STK3: variants seen among roughly 807,000 people sequenced by gnomAD.
STK3 encodes the protein serine/threonine-protein kinase 3.
A neutral mutation model predicts 58.0 loss-of-function variants in STK3; 41 were observed. That is an observed-to-expected ratio of 0.71 (90% CI 0.55 to 0.92). The LOEUF (loss-of-function observed/expected upper bound fraction) is 0.92. STK3 is among the 40% of genes least tolerant of loss of function. The probability of loss-of-function intolerance (pLI) is 0.00; values close to 1 mark genes in which losing one functional copy is unlikely to be tolerated. For synonymous variants in STK3, 170 were observed against 191.0 expected, an observed-to-expected ratio of 0.89 and a Z score of 0.91; for missense variants, 479 against 602.7, an observed-to-expected ratio of 0.79 and a Z score of 2.15.
At chr8:98,395,461 A>G (rs1817889195) in intron 3 of STK3, among the ~76,000 whole-genome samples, 1 of 152,260 alleles carries the variant, frequency 6.6e-6, no homozygotes, top group African/African-American at 2.4e-5. Context: ...ATGTTTCTGC[A>G]TAACATAAAT....
chr8:98,417,117 T>C (rs1425223511), intron 3 of STK3, among the ~76,000 whole-genome samples: 1 of 151,974 alleles, frequency 6.6e-6, no homozygotes, highest in African/African-American at 2.4e-5. Flanking sequence ...GCTGGGGAGG[T>C]GTTCAGGAAC....
At chr8:98,747,574 T>C (rs1829722288) in intron 4 of STK3, among the ~76,000 whole-genome samples, 1 of 152,238 alleles carries the variant, frequency 6.6e-6, no homozygotes, top group South Asian at 2.1e-4. Context: ...TTAAATAGGA[T>C]GTTACGTATC....
chr8:98,378,011 G>A (rs1357706956), intron 2 of STK3, among the ~76,000 whole-genome samples: 1 of 152,176 alleles, frequency 6.6e-6, no homozygotes, highest in African/African-American at 2.4e-5. Flanking sequence ...ACTTCAAGAG[G>A]TGTCTCCAGC....
chr8:98,687,960 G>T (rs1824124207), intron 6 of STK3, among the ~76,000 whole-genome samples: 1 of 151,986 alleles, frequency 6.6e-6, no homozygotes, highest in South Asian at 2.1e-4. Context: ...GGCCTAAATG[G>T]CCCACTTAAA....
chr8:98,825,720 CCCGCCCCGCCCCCGG>C (rs1835229186), upstream of STK3: 3 of 987,388 alleles, frequency 3.0e-6, no homozygotes, highest in Admixed American at 6.4e-5. Flanking sequence ...CTCCTCCCGC[CCCGCCCCGCCCCCGG>C]CCGCCCCGCC....
At chr8:98,377,442 G>C (rs926168506) in intron 2 of STK3, among the ~76,000 whole-genome samples, 2 of 151,738 alleles carry the variant, frequency 1.3e-5, no homozygotes, top group Non-Finnish European at 2.9e-5. Context: ...GAACCATAAA[G>C]TTCCAAATGT....
intron 6 of STK3, among the ~76,000 whole-genome samples, chr8:98,698,703 C>A (rs1478146423): frequency 1.3e-5 from 2 of 152,240 alleles, no homozygotes; most frequent in Non-Finnish European, 2.9e-5. Flanking sequence ...CCACTGTCTT[C>A]TGGCTTGTAG....
rs147995291 is a variant in STK3 at position 98,845,351 on chromosome 8, G to A, written c.110+38296C>T. ...CATTCTTAAATTCTTAAGTTTTGAC[G>A]AGTCTCTCAATGTAATAGAGCTCAT... On this transcript the variant is annotated intron_variant, in intron 3 of 12. Transcript: ENST00000523601. Among the ~76,000 whole-genome samples, 20 of 152,144 alleles carry A rather than the reference G, an allele frequency of 1.3e-4. No individual in the cohort carries two copies. The East Asian group carries it at 3.1e-3, about 23-fold the overall frequency.
At chr8:98,926,852 G>T (rs1275987322) in intron 1 of STK3, among the ~76,000 whole-genome samples, 1 of 152,176 alleles carries the variant, frequency 6.6e-6, no homozygotes, top group Non-Finnish European at 1.5e-5. Flanking sequence ...GTGTGCTATG[G>T]TACCAGCTGG....
intron 3 of STK3, among the ~76,000 whole-genome samples, chr8:98,416,364 G>GTTTTTT (rs57447680): frequency 3.8e-5 from 3 of 79,532 alleles, no homozygotes; most frequent in South Asian, 5.0e-4. Context: ...GTTTGAAACT[G>GTTTTTT]TTTTTTTTTT....
chr8:98,583,705 G>A (rs927682965), intron 7 of STK3, among the ~76,000 whole-genome samples: 1 of 152,138 alleles, frequency 6.6e-6, no homozygotes, highest in African/African-American at 2.4e-5. Context: ...AGAATATTCT[G>A]ATATTATTAT....
chr8:98,494,700 A>C (rs1363210748), intron 10 of STK3, among the ~76,000 whole-genome samples: 1 of 151,674 alleles, frequency 6.6e-6, no homozygotes, highest in Non-Finnish European at 1.5e-5. Context: ...AGATTATGAA[A>C]ACATTTACTG....
chr8:98,471,743 G>A (rs1820933833), intron 10 of STK3, among the ~76,000 whole-genome samples: 1 of 152,060 alleles, frequency 6.6e-6, no homozygotes, highest in Non-Finnish European at 1.5e-5. Context: ...GACAAGGAAG[G>A]AATCACCAGT....
At chr8:98,623,481 A>G (rs1350861183) in intron 6 of STK3, among the ~76,000 whole-genome samples, 1 of 152,236 alleles carries the variant, frequency 6.6e-6, no homozygotes, top group Admixed American at 6.5e-5. Flanking sequence ...AGGAATGTGT[A>G]CATTCAAAAC....
chr8:98,424,801 A>G (rs1019967879), intron 3 of STK3, among the ~76,000 whole-genome samples: 1 of 152,228 alleles, frequency 6.6e-6, no homozygotes, highest in Admixed American at 6.5e-5. Context: ...GAGCTAAACC[A>G]GAATAGCCAG....
intron 1 of STK3, among the ~76,000 whole-genome samples, chr8:98,894,634 T>A (rs1838383911): frequency 6.6e-6 from 1 of 152,262 alleles, no homozygotes; most frequent in Non-Finnish European, 1.5e-5. Context: ...TACTAGAATG[T>A]AAGCACCACT....
At chr8:98,408,251 G>T (rs1818019577) in intron 3 of STK3, among the ~76,000 whole-genome samples, 1 of 152,126 alleles carries the variant, frequency 6.6e-6, no homozygotes. Context: ...AGTGAGGATG[G>T]AATTAAATAA....
chr8:98,883,883 AG>A, intron 1 of STK3: 1 of 586,654 alleles, frequency 1.7e-6, no homozygotes, highest in South Asian at 2.2e-5. Context: ...CTGAAGCCAG[AG>A]GGGCAGTCAC....
intron 1 of STK3, among the ~76,000 whole-genome samples, chr8:98,780,490 G>A (rs1202454856): frequency 6.6e-6 from 1 of 152,036 alleles, no homozygotes. Flanking sequence ...GTATACAAAG[G>A]AAACTAGCCC....
Sources: gnomAD v4.1 joint callset for allele counts (sites outside exome capture counted in the v4.1 genomes callset) on GRCh38, gnomAD v4.1.1 for gene constraint, MANE v1.5 for transcripts, NCBI Gene and HGNC (gene_info 2026-07-23, HGNC 2026-07-21) for gene names.